The following GFI1B variants were observed in gnomAD, a reference collection of about 807,000 sequenced individuals.
GFI1B encodes the protein growth factor independent 1B transcriptional repressor, also known as zinc finger protein Gfi-1b.
A neutral mutation model predicts 35.3 loss-of-function variants in GFI1B; 20 were observed. The ratio of observed to expected loss-of-function variants is 0.57; its 90% CI spans 0.40 to 0.82. The LOEUF (loss-of-function observed/expected upper bound fraction) is 0.82. Among genes scored for constraint, GFI1B ranks in the 40% least tolerant of loss-of-function variants. The probability of loss-of-function intolerance (pLI) is 0.00; values close to 1 mark genes in which losing one functional copy is unlikely to be tolerated. For synonymous variants in GFI1B, 178 were observed against 177.6 expected (o/e 1.00, Z -0.02); for missense variants, 430 against 446.3 (o/e 0.96, Z 0.33).
chr9:132,977,222 G>A (rs1167138769), upstream of GFI1B, among the ~76,000 whole-genome samples: 2 of 152,178 alleles, frequency 1.3e-5, no homozygotes, highest in East Asian at 1.9e-4. Context: ...GCCTCTCAAA[G>A]TGCTGGGATT....
Position 132,989,296 on chromosome 9 carries a change from T to A in GFI1B, c.648+98T>A. 3 of 1,213,774 alleles carry A rather than the reference T, an allele frequency of 2.5e-6. No homozygotes were observed. The highest frequency in any genetic ancestry group is 3.6e-6 in the Non-Finnish European group (3 of 835,810). 75.2% of individuals were successfully genotyped at this position (1,213,774 alleles called of 1,614,324 possible). On this transcript the variant is annotated intron_variant, in intron 5 of 6. Transcript: ENST00000372122. The surrounding 1 kb of genome is among the most constrained non-coding windows in gnomAD (Gnocchi z 6.2). The stretch of plus-strand genomic sequence containing the variant: ...GTGGCTGGGTCCCTCCCCCTGCCCC[T>A]GGGGGTGACACAGATTGGGAGGGGT...
intron 1 of GFI1B, chr9:132,951,317 T>A (rs1288708260): frequency 6.6e-6 from 1 of 152,196 alleles, no homozygotes; most frequent in Admixed American, 6.5e-5. Context: ...AAGCCACACA[T>A]CTCGTGAGCC....
intron 1 of GFI1B, among the ~76,000 whole-genome samples, chr9:132,957,297 C>G (rs1477510412): frequency 6.6e-6 from 1 of 152,232 alleles, no homozygotes; most frequent in Non-Finnish European, 1.5e-5. Flanking sequence ...AGATCCTTCT[C>G]TGGTCCCCAC....
At chr9:132,979,814 G>A (rs149381372) in intron 1 of GFI1B, among the ~76,000 whole-genome samples, 73 of 152,298 alleles carry the variant, frequency 4.8e-4, no homozygotes, top group African/African-American at 1.7e-3. Context: ...CAGAATCGCC[G>A]TGGGTATGTG....
chr9:132,986,538 A>T lies in GFI1B; in HGVS notation c.-20-121A>T, dbSNP rs1849067296. 17 of 696,412 alleles carry T rather than the reference A, an allele frequency of 2.4e-5. No individual in the cohort carries two copies. The Middle Eastern group carries it at 1.4e-3, about 58-fold the overall frequency. 43.1% of individuals were successfully genotyped at this position (696,412 alleles called of 1,614,324 possible). Reference sequence around the variant, plus strand: ...ATTCACAGGTTCTGGGTGGACATGAACTTTGGGGGCCACTGTTCAACCCAG... The same window carrying T: ...ATTCACAGGTTCTGGGTGGACATGATCTTTGGGGGCCACTGTTCAACCCAG... On this transcript the variant is annotated intron_variant, in intron 1 of 6. Coordinates refer to ENST00000372122, the MANE Select transcript of GFI1B (RefSeq NM_001377304.1).
At chr9:132,963,741 A>C (rs1177684831) in intron 1 of GFI1B, 1 of 152,158 alleles carries the variant, frequency 6.6e-6, no homozygotes, top group Non-Finnish European at 1.5e-5. Context: ...TTAGTGTTAC[A>C]GTTCTTTTAG....
chr9:132,965,435 G>A lies in GFI1B; in HGVS notation c.-700-7290G>A, dbSNP rs76844027. On this transcript the variant is annotated intron_variant, in intron 1 of 10. Coordinates refer to the GFI1B transcript ENST00000339463. Reference sequence around the variant, plus strand: ...GGAAACCGTAGTGGGTTGAATAGTGGCCCCCTAAAAAGATAGGTCCAAATC... The same window carrying A: ...GGAAACCGTAGTGGGTTGAATAGTGACCCCCTAAAAAGATAGGTCCAAATC... Among the ~76,000 whole-genome samples the A allele has an allele frequency of 4.3e-3, 657 of 152,330 alleles. 4 individuals carry two copies. The highest frequency in any genetic ancestry group is 0.015 in the African/African-American group (622 of 41,566).
intron 1 of GFI1B, among the ~76,000 whole-genome samples, chr9:132,948,407 A>G (rs1848153487): frequency 1.3e-5 from 2 of 152,200 alleles, no homozygotes; most frequent in Non-Finnish European, 2.9e-5. Context: ...TCCAAGTTCC[A>G]TGAAGCAATA....
intron 1 of GFI1B, chr9:132,962,660 G>A (rs149181576): frequency 6.3e-5 from 31 of 490,290 alleles, no homozygotes; most frequent in Middle Eastern, 6.9e-4. Context: ...ACCAAGCTGG[G>A]TCTATAAGGA....
intron 1 of GFI1B, among the ~76,000 whole-genome samples, chr9:132,961,585 C>T (rs1848364301): frequency 6.6e-6 from 1 of 151,392 alleles, no homozygotes; most frequent in South Asian, 2.1e-4. Context: ...TGGCAAAATA[C>T]CTCTCATTTT....
intron 1 of GFI1B, among the ~76,000 whole-genome samples, chr9:132,980,924 A>C (rs1029371165): frequency 9.6e-5 from 14 of 145,166 alleles, no homozygotes; most frequent in African/African-American, 3.6e-4. Context: ...TGTTTGAGAC[A>C]GAGTCTCTGT....
chr9:132,965,016 A>G (rs1384911741), intron 1 of GFI1B, among the ~76,000 whole-genome samples: 1 of 152,180 alleles, frequency 6.6e-6, no homozygotes, highest in Non-Finnish European at 1.5e-5. Flanking sequence ...GTACATATCA[A>G]TAATTTACTA....
intron 1 of GFI1B, among the ~76,000 whole-genome samples, chr9:132,979,847 G>T (rs1848759622): frequency 6.6e-6 from 1 of 152,198 alleles, no homozygotes; most frequent in Non-Finnish European, 1.5e-5. Context: ...TTTCCGGGGA[G>T]AAAGTCCAGA....
intron 1 of GFI1B, among the ~76,000 whole-genome samples, chr9:132,958,939 G>A (rs1218966505): frequency 6.6e-6 from 1 of 152,168 alleles, no homozygotes; most frequent in East Asian, 1.9e-4. Flanking sequence ...GTGTGCAGTG[G>A]GTGAGCCGGG....
intron 1 of GFI1B, among the ~76,000 whole-genome samples, chr9:132,948,456 C>A (rs78284827): frequency 0.013 from 1,973 of 152,266 alleles, 49 homozygotes; most frequent in African/African-American, 0.045. Context: ...GATTTCTGAC[C>A]CTCATCAACA....
chr9:132,968,933 C>T (rs897039616), intron 1 of GFI1B, among the ~76,000 whole-genome samples: 7 of 152,190 alleles, frequency 4.6e-5, no homozygotes, highest in African/African-American at 1.2e-4. Context: ...TTTTTCATCT[C>T]GCAAAACCAA....
intron 1 of GFI1B, among the ~76,000 whole-genome samples, chr9:132,980,200 C>T (rs773877673): frequency 1.3e-5 from 2 of 151,768 alleles, no homozygotes; most frequent in South Asian, 2.1e-4. Flanking sequence ...ACCATTGCCC[C>T]GAAGCTTTCA....
intron 1 of GFI1B, among the ~76,000 whole-genome samples, chr9:132,956,428 A>G (rs1386933959): frequency 2.0e-5 from 3 of 152,350 alleles, no homozygotes; most frequent in South Asian, 4.1e-4. Context: ...TCAGCATAGG[A>G]TATGAATGTT....
chr9:132,992,329 C>T (rs182654344), downstream of GFI1B, among the ~76,000 whole-genome samples: 2 of 152,236 alleles, frequency 1.3e-5, no homozygotes, highest in East Asian at 1.9e-4. Flanking sequence ...TGAATAATGG[C>T]CCCAAAGATG....
Sources: allele counts gnomAD v4.1 joint callset (sites outside exome capture counted in the v4.1 genomes callset), GRCh38; gene constraint gnomAD v4.1.1; non-coding constraint Gnocchi (gnomAD v3.1); transcripts MANE v1.5; gene names NCBI Gene and HGNC (gene_info 2026-07-23, HGNC 2026-07-21).